Variants in IQCH observed in about 807,000 individuals in gnomAD.
IQCH encodes IQ motif containing H.
A neutral mutation model predicts 117.0 loss-of-function variants in IQCH; 98 were observed. The ratio of observed to expected loss-of-function variants is 0.84; its 90% CI spans 0.71 to 0.99. IQCH has a LOEUF of 0.99. Ranked by LOEUF, IQCH falls within the 50% of genes least tolerant of loss-of-function variation. The pLI, the probability that IQCH is intolerant of heterozygous loss-of-function variation, is 0.00. For missense variants in IQCH, 1,102 were observed against 1,243.8 expected, an observed-to-expected ratio of 0.89 and a Z score of 1.72; for synonymous variants, 412 against 448.2, an observed-to-expected ratio of 0.92 and a Z score of 1.02.
At chr15:67,282,347 G>A (rs1307331314) in intron 4 of IQCH, 2 of 149,580 alleles carry the variant, frequency 1.3e-5, no homozygotes, top group Non-Finnish European at 3.0e-5. Flanking sequence ...TGCTATTATT[G>A]TTCTGGGAAA....
intron 4 of IQCH, among the ~76,000 whole-genome samples, chr15:67,317,600 C>A (rs998180753): frequency 6.6e-6 from 1 of 152,140 alleles, no homozygotes; most frequent in Non-Finnish European, 1.5e-5. Flanking sequence ...TTAAAGCATT[C>A]ATATGGTATA....
rs1338957784 is a variant in IQCH at position 67,356,962 on chromosome 15, T to C, written c.638-383T>C. ...CAATAGAATAGTCCATATGTAGCTA[T>C]GTTAAATCACATTTTACATGAACCT... is the stretch of plus-strand genomic sequence containing the variant. On this transcript the variant is annotated intron_variant, in intron 6 of 20. Transcript: ENST00000335894. This position sits in a 1 kb window ranked among gnomAD's most constrained non-coding sequence, Gnocchi z 5.3. Among the ~76,000 whole-genome samples, 1 of 152,246 alleles carries C rather than the reference T, an allele frequency of 6.6e-6. No individual in the cohort carries two copies. The highest frequency in any genetic ancestry group is 1.5e-5 in the Non-Finnish European group (1 of 68,046).
Position 67,354,942 on chromosome 15 carries a change from C to T in IQCH, c.638-2403C>T, listed in dbSNP as rs187227997. 1.1e-4 allele frequency among the ~76,000 whole-genome samples: 16 copies of T among 152,284 alleles called. No individual in the cohort carries two copies. The East Asian group carries it at 3.1e-3, about 29-fold the overall frequency. ...TGAAGGGGAAAATAGTGGTGTCAGT[C>T]TCTTCCCAGAAGCCTTGGGGTGGAC... On this transcript the variant is annotated intron_variant, in intron 6 of 20. Coordinates refer to ENST00000335894, the MANE Select transcript of IQCH (RefSeq NM_001031715.3).
At chr15:67,254,968 GGCCCT>G in intron 1 of IQCH, 21 bp downstream of exon 1, 1 of 1,608,916 alleles carries the variant, frequency 6.2e-7, no homozygotes, top group Non-Finnish European at 8.5e-7. Flanking sequence ...GGCTTCCCCC[GGCCCT>G]GCCCTGCCCA....
chr15:67,493,091 C>A lies in IQCH; in HGVS notation c.2862-1167C>A, dbSNP rs571519826. On this transcript the variant is annotated intron_variant, in intron 19 of 20. Transcript: ENST00000335894. This position sits in a 1 kb window ranked among gnomAD's most constrained non-coding sequence, Gnocchi z 5.1. ...TTCTAGATGGTTATTGCTATTCACA[C>A]ATCCTTCAGGGAGGGCACAGTTGAC... Among the ~76,000 whole-genome samples the A allele has an allele frequency of 2.2e-4, 34 of 152,322 alleles. No homozygotes were observed. Among genetic ancestry groups the A allele is most frequent in the African/African-American group, 7.7e-4 (32 of 41,582 alleles).
chr15:67,256,513 A>G (rs1596038441), intron 1 of IQCH, among the ~76,000 whole-genome samples: 1 of 152,190 alleles, frequency 6.6e-6, no homozygotes, highest in African/African-American at 2.4e-5. Flanking sequence ...CTGGTGGCCA[A>G]AGCCCACAGA....
Position 67,395,228 on chromosome 15 carries a change from A to T in IQCH, c.1633-63A>T. 2.7e-6 allele frequency: 4 copies of T among 1,490,608 alleles called. No individual in the cohort carries two copies. Among genetic ancestry groups the T allele is most frequent in the Non-Finnish European group, 3.7e-6 (4 of 1,095,526 alleles). The allele number at this position is 1,490,608 out of a possible 1,614,324, so 92.3% of individuals were successfully genotyped here. A position where few individuals can be genotyped will look rare whatever the true frequency, so the allele number is the denominator to read the frequency against. On this transcript the variant is annotated intron_variant, in intron 12 of 20. Transcript: ENST00000335894. This position sits in a 1 kb window ranked among gnomAD's most constrained non-coding sequence, Gnocchi z 4.0. ...TGTATTTATTATGTGCAACATTATAAATTAGGTGTATGGACTAGAAAAAAG... is the reference window on the plus strand; with the variant it reads ...TGTATTTATTATGTGCAACATTATATATTAGGTGTATGGACTAGAAAAAAG...
chr15:67,446,573 C>T (rs182121774), intron 16 of IQCH, among the ~76,000 whole-genome samples: 29 of 152,212 alleles, frequency 1.9e-4, no homozygotes, highest in Admixed American at 1.8e-3. Flanking sequence ...GAGCAGAGGC[C>T]TACCATAGCA....
intron 1 of IQCH, chr15:67,255,181 A>T: frequency 6.9e-6 from 4 of 582,094 alleles, no homozygotes; most frequent in Non-Finnish European, 1.2e-5. Context: ...CCTCTGGGAA[A>T]ACTCTAAAAC....
intron 14 of IQCH, among the ~76,000 whole-genome samples, chr15:67,402,723 G>C (rs1971715398): frequency 6.6e-6 from 1 of 152,192 alleles, no homozygotes; most frequent in Non-Finnish European, 1.5e-5. Context: ...AGAATTATTA[G>C]AAAGGAGAAT....
intron 18 of IQCH, among the ~76,000 whole-genome samples, chr15:67,484,232 C>T (rs1482725213): frequency 6.6e-6 from 1 of 151,882 alleles, no homozygotes; most frequent in Admixed American, 6.6e-5. Context: ...ATGGCAAAAC[C>T]CTGTCTCCAC....
chr15:67,348,699 A>G (rs982389591), intron 6 of IQCH, among the ~76,000 whole-genome samples: 2 of 152,252 alleles, frequency 1.3e-5, no homozygotes, highest in Non-Finnish European at 2.9e-5. Context: ...CCCCAAATTG[A>G]TCTATAAATT....
chr15:67,256,413 C>G (rs1005990314), intron 1 of IQCH, among the ~76,000 whole-genome samples: 1 of 152,180 alleles, frequency 6.6e-6, no homozygotes, highest in African/African-American at 2.4e-5. Flanking sequence ...CCAGCCCCTC[C>G]TGAATACTTT....
chr15:67,311,832 T>C (rs922265623), intron 4 of IQCH, among the ~76,000 whole-genome samples: 2 of 152,128 alleles, frequency 1.3e-5, no homozygotes, highest in Non-Finnish European at 2.9e-5. Flanking sequence ...TGGGTATTTA[T>C]TTTTTAACAA....
rs536447749 is a variant in IQCH, at chr15:67,271,986, A to G, written c.270-7409A>G. On this transcript the variant is annotated intron_variant, in intron 3 of 20. Coordinates refer to ENST00000335894, the MANE Select transcript of IQCH (RefSeq NM_001031715.3). The stretch of plus-strand genomic sequence containing the variant: ...GGGTTTGGTGTGTTCTTGCTTTTCT[A>G]ATTCCTGGAGGTGCATCATTAGGTT... 3.3e-4 allele frequency among the ~76,000 whole-genome samples: 50 copies of G among 152,026 alleles called. 1 individual carries two copies. In the South Asian group the frequency reaches 8.9e-3, roughly 27 times the overall value.
intron 4 of IQCH, among the ~76,000 whole-genome samples, chr15:67,319,163 C>A (rs1967993918): frequency 6.6e-6 from 1 of 152,048 alleles, no homozygotes; most frequent in Non-Finnish European, 1.5e-5. Flanking sequence ...GGAGGCGGAG[C>A]TTGCAGTGAG....
In IQCH at chr15:67,494,334, G is replaced by A. The variant is rs759118423; in HGVS notation, c.2938G>A (p.Ala980Thr). The A allele has an allele frequency of 6.2e-7, 1 of 1,612,966 alleles. No homozygotes were observed. Residue 980 changes from alanine to threonine, a missense_variant, in exon 20 of 21, where the codon GCA becomes ACA. Ala to Thr is a moderately conservative substitution (Grantham distance 58, BLOSUM62 0). Coordinates refer to ENST00000335894, the MANE Select transcript of IQCH (RefSeq NM_001031715.3). This position sits in a 1 kb window ranked among gnomAD's most constrained non-coding sequence, Gnocchi z 5.5. Reference protein sequence around the residue: ...HLFIIHQEISAPNMQGETNFK... With the variant: ...HLFIIHQEISTPNMQGETNFK... ...CTTCATCATCCATCAAGAAATATCA[G>A]CACCTAATATGCAAGGCGAGACCAA...
At chr15:67,256,717 C>T (rs1965232537) in intron 1 of IQCH, among the ~76,000 whole-genome samples, 1 of 152,164 alleles carries the variant, frequency 6.6e-6, no homozygotes, top group Non-Finnish European at 1.5e-5. Context: ...TAATAGATAA[C>T]TGTTGACACT....
chr15:67,487,429 A>AACACACACACAC (rs111875205), intron 18 of IQCH, among the ~76,000 whole-genome samples: 235 of 148,194 alleles, frequency 1.6e-3, no homozygotes, highest in Middle Eastern at 7.0e-3. Context: ...ACTTAAGGAA[A>AACACACACACAC]ACACACACAC....
Sources: gnomAD v4.1 joint callset for allele counts (sites outside exome capture counted in the v4.1 genomes callset) on GRCh38, gnomAD v4.1.1 for gene constraint, Gnocchi (gnomAD v3.1) non-coding constraint, MANE v1.5 for transcripts, NCBI Gene and HGNC (gene_info 2026-07-23, HGNC 2026-07-21) for gene names.